The following ANK2 variants were observed in gnomAD, a reference collection of about 807,000 sequenced individuals.
ANK2 encodes the protein ankyrin 2, also known as ankyrin-2.
Under a neutral mutation model 360.5 loss-of-function variants are expected in ANK2, and 83 were observed. The ratio of observed to expected loss-of-function variants is 0.23; its 90% confidence interval spans 0.19 to 0.28. ANK2 has a LOEUF of 0.28. ANK2 is among the 10% of genes least tolerant of loss of function. The probability of loss-of-function intolerance (pLI) is 1.00; values close to 1 mark genes in which losing one functional copy is unlikely to be tolerated. For missense variants in ANK2, 4,201 were observed against 4,795.7 expected, an observed-to-expected ratio of 0.88 and a Z score of 3.66; for synonymous variants, 1,740 against 1,759.5, an observed-to-expected ratio of 0.99 and a Z score of 0.28.
At chr4:113,283,948 C>T (rs1458854739) in intron 18 of ANK2, among the ~76,000 whole-genome samples, 4 of 152,206 alleles carry the variant, frequency 2.6e-5, no homozygotes, top group African/African-American at 9.6e-5. Flanking sequence ...TCAGGAAGAG[C>T]TATGAAACAG....
chr4:113,144,653 T>A (rs1250642196), intron 1 of ANK2, among the ~76,000 whole-genome samples: 2 of 150,536 alleles, frequency 1.3e-5, no homozygotes, highest in African/African-American at 4.9e-5. Context: ...TAGTTTAAAA[T>A]GATTTGCAAA....
chr4:112,870,148 G>T (rs929692633), intron 1 of ANK2, among the ~76,000 whole-genome samples: 1 of 151,848 alleles, frequency 6.6e-6, no homozygotes, highest in Non-Finnish European at 1.5e-5. Flanking sequence ...ACAGGTGCCC[G>T]CCACCACACC....
chr4:113,147,597 G>A (rs1291868504), intron 1 of ANK2, among the ~76,000 whole-genome samples: 1 of 152,130 alleles, frequency 6.6e-6, no homozygotes, highest in Non-Finnish European at 1.5e-5. Flanking sequence ...ATTCTGCCCA[G>A]AATTTTTCCA....
chr4:112,774,264 C>T, the ANK2 span, among the ~76,000 whole-genome samples: 5 of 152,160 alleles, frequency 3.3e-5, no homozygotes, highest in South Asian at 8.3e-4. Flanking sequence ...CGGTGGCTCA[C>T]GCCTGTAATC....
the ANK2 span, among the ~76,000 whole-genome samples, chr4:112,805,873 C>A: frequency 6.6e-6 from 1 of 152,170 alleles, no homozygotes; most frequent in Non-Finnish European, 1.5e-5. Context: ...CTGCGCCCGG[C>A]CACATGCAGA....
Position 113,355,391 on chromosome 4 carries a change from C to G in ANK2, c.6773C>G (p.Thr2258Ser). The change falls in exon 38 of 46, where the codon ACT becomes AGT. Residue 2258 changes from threonine (T) to serine (S), a missense_variant. By Grantham distance (58) the Thr-to-Ser change is moderately conservative (BLOSUM62 1). Transcript: ENST00000357077. ...TCACCAAAGAAAAGTGAGGAGCAAA[C>G]TGGGGAAACAAAGGAAAGCACCAAG... ...SFSPKKSEEQ[T>S]GETKESTKTE... 3 of 1,613,998 alleles carry G rather than the reference C, an allele frequency of 1.9e-6. No homozygotes were observed. The highest frequency in any genetic ancestry group is 1.1e-5 in the South Asian group (1 of 91,070).
At chr4:113,284,549 A>G (rs2063635684) in intron 18 of ANK2, among the ~76,000 whole-genome samples, 1 of 152,232 alleles carries the variant, frequency 6.6e-6, no homozygotes, top group South Asian at 2.1e-4. Flanking sequence ...TTCTAAATAC[A>G]TTACTTTCTT....
chr4:112,831,189 C>T (rs926890722), intron 1 of ANK2, among the ~76,000 whole-genome samples: 10 of 152,332 alleles, frequency 6.6e-5, no homozygotes, highest in African/African-American at 1.4e-4. Context: ...CTGAGGAGTG[C>T]GGGCACGCGG....
chr4:113,362,118 T>C (rs2096259847), intron 39 of ANK2, among the ~76,000 whole-genome samples: 1 of 152,190 alleles, frequency 6.6e-6, no homozygotes, highest in Non-Finnish European at 1.5e-5. Flanking sequence ...CATATACACA[T>C]GTATTTCATT....
At chr4:113,288,872 C>T (rs986961899) in intron 20 of ANK2, among the ~76,000 whole-genome samples, 5 of 152,026 alleles carry the variant, frequency 3.3e-5, no homozygotes, top group East Asian at 3.9e-4. Context: ...GCCTAGACTG[C>T]GTGCCTTTCA....
At chr4:113,111,220 GT>G (rs2094259652) in intron 1 of ANK2, among the ~76,000 whole-genome samples, 1 of 152,080 alleles carries the variant, frequency 6.6e-6, no homozygotes, top group African/African-American at 2.4e-5. Context: ...TTTGCAAATA[GT>G]CTAATTAAAA....
In ANK2 at chr4:113,353,187, A is replaced by G; in HGVS notation, c.4569A>G (p.Thr1523=). The change falls in exon 38 of 46, where the codon ACA becomes ACG. Residue 1523 remains threonine (T), a synonymous_variant. Transcript: ENST00000357077. ...TCAAAATGACCGCCATCTTGACCAC[A>G]GATGTGTCTGATAAGGCAGGTTCTA... ...DLIKMTAILT[T]DVSDKAGSIK... 1 of 1,614,102 alleles carries G rather than the reference A, an allele frequency of 6.2e-7. No individual in the cohort carries two copies. Among genetic ancestry groups the G allele is most frequent in the Non-Finnish European group, 8.5e-7 (1 of 1,179,964 alleles).
At chr4:113,263,449 C>A (rs2054191957) in intron 13 of ANK2, among the ~76,000 whole-genome samples, 4 of 152,062 alleles carry the variant, frequency 2.6e-5, no homozygotes, top group African/African-American at 7.2e-5. Context: ...GAGTCATCAA[C>A]AAAGAAGAGA....
intron 1 of ANK2, among the ~76,000 whole-genome samples, chr4:113,097,864 G>GTATATATATATATATACA (rs1369796742): frequency 1.5e-5 from 2 of 136,552 alleles, no homozygotes; most frequent in Non-Finnish European, 3.2e-5. Context: ...GTGTGTGTGT[G>GTATATATATATATATACA]TGTATATATA....
At chr4:113,223,163 AT>A (rs1038627603) in intron 4 of ANK2, among the ~76,000 whole-genome samples, 8 of 152,150 alleles carry the variant, frequency 5.3e-5, no homozygotes, top group African/African-American at 1.9e-4. Context: ...ATCTTTCATA[AT>A]GCTAATTCCA....
In ANK2 at chr4:112,917,785, A is replaced by G. The variant is rs544739137; in HGVS notation, c.21+13271A>G. On this transcript the variant is annotated intron_variant, in intron 2 of 30. Coordinates refer to the ANK2 transcript ENST00000503271. The stretch of plus-strand genomic sequence containing the variant: ...ATGGACTTTCAATATGTATTGTCAC[A>G]TAAAATTAGAATAGTTGTGCCAAAT... Among the ~76,000 whole-genome samples, 6 of 152,368 alleles carry G rather than the reference A, an allele frequency of 3.9e-5. 1 individual carries two copies. The South Asian group carries it at 1.2e-3, about 32-fold the overall frequency.
chr4:113,203,610 G>A (rs975355729), intron 4 of ANK2, among the ~76,000 whole-genome samples: 1 of 152,060 alleles, frequency 6.6e-6, no homozygotes, highest in Non-Finnish European at 1.5e-5. Context: ...TAGCTTTGTT[G>A]TGTATTCCAA....
chr4:113,248,535 C>G (rs1227337682), intron 9 of ANK2, among the ~76,000 whole-genome samples: 2 of 152,014 alleles, frequency 1.3e-5, no homozygotes, highest in Admixed American at 1.3e-4. Flanking sequence ...ACTGATGCCC[C>G]CTACAGTGGC....
intron 38 of ANK2, among the ~76,000 whole-genome samples, chr4:113,359,735 T>C (rs532945505): frequency 1.6e-4 from 25 of 152,310 alleles, no homozygotes; most frequent in African/African-American, 5.5e-4. Flanking sequence ...TACTTACAAT[T>C]TTGTAATCAT....
Sources: gnomAD v4.1 joint callset for allele counts (sites outside exome capture counted in the v4.1 genomes callset) on GRCh38, gnomAD v4.1.1 for gene constraint, MANE v1.5 for transcripts, NCBI Gene and HGNC (gene_info 2026-07-23, HGNC 2026-07-21) for gene names.